Variants in ARPP21 observed in about 807,000 individuals in gnomAD.
ARPP21 encodes cAMP-regulated phosphoprotein 21.
ARPP21 carries 69 observed loss-of-function variants against 113.2 expected under a neutral mutation model. That is an observed-to-expected ratio of 0.61 (90% CI 0.50 to 0.74). The LOEUF is 0.74. Ranked by LOEUF, ARPP21 falls within the 30% of genes least tolerant of loss-of-function variation. The probability of loss-of-function intolerance (pLI) is 0.00; values close to 1 mark genes in which losing one functional copy is unlikely to be tolerated. For missense variants in ARPP21, 1,070 were observed against 1,037.4 expected (o/e 1.03, Z -0.43); for synonymous variants, 368 against 375.5 (o/e 0.98, Z 0.23).
At chr3:35,737,594 G>A (rs775373368) in intron 16 of ARPP21, among the ~76,000 whole-genome samples, 7 of 152,182 alleles carry the variant, frequency 4.6e-5, no homozygotes, top group Non-Finnish European at 7.3e-5. Flanking sequence ...ATGAAAGTAG[G>A]GAGAATAAAT....
chr3:35,693,719 T>C (rs2082946609), intron 9 of ARPP21, among the ~76,000 whole-genome samples: 1 of 151,668 alleles, frequency 6.6e-6, no homozygotes, highest in Admixed American at 6.6e-5. Flanking sequence ...CAGAGTTGTC[T>C]TATCAGGGCA....
At chr3:35,729,145 G>C (rs999807168) in intron 14 of ARPP21, among the ~76,000 whole-genome samples, 158 bp from the exon 15 acceptor site, 3 of 152,106 alleles carry the variant, frequency 2.0e-5, no homozygotes, top group African/African-American at 7.2e-5. Context: ...TAAAATATGA[G>C]GCCAAAATAT....
intron 19 of ARPP21, among the ~76,000 whole-genome samples, chr3:35,747,467 T>TA (rs1348288734): frequency 1.1e-4 from 17 of 150,172 alleles, no homozygotes; most frequent in Non-Finnish European, 2.2e-4. Context: ...GTGAGAAAAA[T>TA]AAAAAACCTT....
At chr3:35,756,039 G>A (rs1047870143) in intron 19 of ARPP21, among the ~76,000 whole-genome samples, 9 of 152,042 alleles carry the variant, frequency 5.9e-5, no homozygotes, top group South Asian at 4.2e-4. Flanking sequence ...GGACACAAAC[G>A]CAAATTCAGC....
rs1308077978 is a variant in ARPP21 at position 35,683,715 on chromosome 3, C to G, written c.172-11C>G. The G allele has an allele frequency of 1.0e-6, 1 of 995,336 alleles. No homozygotes were observed. The highest frequency in any genetic ancestry group is 1.6e-5 in the African/African-American group (1 of 62,996). 61.7% of individuals were successfully genotyped at this position (995,336 alleles called of 1,614,324 possible). Reference sequence around the variant, plus strand: ...TTTTCCTTTCCTTCCCTTTTCTTTCCCCCCTCCTAGTCAGGAGCAGGAAAA... The same window carrying G: ...TTTTCCTTTCCTTCCCTTTTCTTTCGCCCCTCCTAGTCAGGAGCAGGAAAA... On this transcript the variant is annotated splice_polypyrimidine_tract_variant and intron_variant, in intron 4 of 20. Transcript: ENST00000684406.
At chr3:35,727,794 G>A (rs755159085) in intron 14 of ARPP21, among the ~76,000 whole-genome samples, 59 of 152,230 alleles carry the variant, frequency 3.9e-4, no homozygotes, top group Non-Finnish European at 7.5e-4. Context: ...TTAATACCTA[G>A]TACCCAGAAG....
intron 11 of ARPP21, among the ~76,000 whole-genome samples, chr3:35,713,945 G>A (rs772093675): frequency 4.6e-5 from 7 of 152,066 alleles, no homozygotes; most frequent in South Asian, 2.1e-4. Flanking sequence ...AGCTAACCTC[G>A]CTTTCTTTTA....
intron 1 of ARPP21, among the ~76,000 whole-genome samples, chr3:35,664,047 A>C (rs1709032574): frequency 6.6e-6 from 1 of 152,214 alleles, no homozygotes; most frequent in Non-Finnish European, 1.5e-5. Context: ...CGAAAATCAA[A>C]ATTTCTGTTT....
chr3:35,643,722 T>G (rs1699061562), intron 1 of ARPP21: 1 of 152,034 alleles, frequency 6.6e-6, no homozygotes, highest in Non-Finnish European at 1.5e-5. Flanking sequence ...ATTAATCATT[T>G]GTATATAAGT....
At chr3:35,661,612 AC>A (rs1707838309) in intron 1 of ARPP21, among the ~76,000 whole-genome samples, 1 of 152,224 alleles carries the variant, frequency 6.6e-6, no homozygotes, top group African/African-American at 2.4e-5. Context: ...ATTTCTTATG[AC>A]CGGCTATAAA....
intron 1 of ARPP21, among the ~76,000 whole-genome samples, chr3:35,656,687 C>G (rs974541429): frequency 6.6e-6 from 1 of 151,596 alleles, no homozygotes; most frequent in Non-Finnish European, 1.5e-5. Flanking sequence ...GTAAAGGGGT[C>G]GTATGAGGAA....
intron 19 of ARPP21, among the ~76,000 whole-genome samples, chr3:35,763,391 A>G (rs187782131): frequency 2.6e-5 from 4 of 152,256 alleles, no homozygotes; most frequent in Admixed American, 2.6e-4. Flanking sequence ...ACCACCTGGA[A>G]CTGCAGTTTG....
At chr3:35,748,640 A>G (rs555419577) in intron 19 of ARPP21, among the ~76,000 whole-genome samples, 201 of 152,358 alleles carry the variant, frequency 1.3e-3, no homozygotes, top group African/African-American at 4.6e-3. Flanking sequence ...GAGTTTCTCA[A>G]CCTTCAGATA....
intron 19 of ARPP21, among the ~76,000 whole-genome samples, chr3:35,772,823 T>C (rs1184674666): frequency 1.3e-5 from 2 of 152,302 alleles, no homozygotes; most frequent in South Asian, 2.1e-4. Flanking sequence ...TTGCCTGGGT[T>C]GATGCATTGA....
chr3:35,733,036 C>T (rs1394218883), intron 15 of ARPP21, among the ~76,000 whole-genome samples: 2 of 152,156 alleles, frequency 1.3e-5, no homozygotes, highest in Non-Finnish European at 2.9e-5. Context: ...CTTTCTCTCA[C>T]CCCTTCTCTC....
Position 35,794,000 on chromosome 3 carries a change from C to A in ARPP21, c.*42C>A. On this transcript the variant is annotated 3_prime_UTR_variant, in exon 21 of 21. Transcript: ENST00000684406. ...ACATTTCTTCAGATATTTCTCATGG[C>A]CTTTGATGGAAGAGGAACAAGGTGG... 2 of 1,564,222 alleles carry A rather than the reference C, an allele frequency of 1.3e-6. No individual in the cohort carries two copies. The highest frequency in any genetic ancestry group is 1.7e-6 in the Non-Finnish European group (2 of 1,149,418).
At chr3:35,717,221 A>T (rs557649784) in intron 12 of ARPP21, 77 bp from the exon 13 acceptor site, 1 of 796,028 alleles carries the variant, frequency 1.3e-6, no homozygotes, top group Admixed American at 1.9e-5. Flanking sequence ...GCTGTAGTAG[A>T]GTACACATCC....
chr3:35,748,222 AAAGG>A (rs541350494), intron 19 of ARPP21, among the ~76,000 whole-genome samples: 72 of 142,372 alleles, frequency 5.1e-4, no homozygotes, highest in African/African-American at 1.7e-3. Context: ...AGGAAGGAAT[AAAGG>A]AAGGAAGGAA....
intron 11 of ARPP21, among the ~76,000 whole-genome samples, chr3:35,710,784 T>C (rs2090886206): frequency 6.6e-6 from 1 of 152,210 alleles, no homozygotes; most frequent in African/African-American, 2.4e-5. Context: ...ACACCTGTCC[T>C]GCTTATTTCA....
Sources: gnomAD v4.1 joint callset for allele counts (sites outside exome capture counted in the v4.1 genomes callset) on GRCh38, gnomAD v4.1.1 for gene constraint, MANE v1.5 for transcripts, NCBI Gene and HGNC (gene_info 2026-07-23, HGNC 2026-07-21) for gene names.